The following LRRIQ1 variants were observed in gnomAD, a reference collection of about 807,000 sequenced individuals.
The protein encoded by LRRIQ1 is leucine-rich repeat- and IQ domain-containing protein 1.
LRRIQ1 carries 210 observed loss-of-function variants against 211.9 expected under a neutral mutation model. That is an observed-to-expected ratio of 0.99 (90% CI 0.89 to 1.11). The LOEUF is 1.11. Ranked by LOEUF, LRRIQ1 falls within the 50% of genes most tolerant of loss-of-function variation. LRRIQ1 has a pLI of 0.00. For missense variants in LRRIQ1, 2,136 were observed against 1,939.5 expected (o/e 1.10, Z -1.90); for synonymous variants, 699 against 650.1 (o/e 1.08, Z -1.14).
At chr12:85,198,095 A>AT (rs1893079520) in intron 24 of LRRIQ1, among the ~76,000 whole-genome samples, 2 of 116,604 alleles carry the variant, frequency 1.7e-5, no homozygotes, top group Non-Finnish European at 3.3e-5. Context: ...ATTATATTAT[A>AT]TATTATATTA....
At chr12:85,162,375 T>C (rs1411342614) in intron 24 of LRRIQ1, among the ~76,000 whole-genome samples, 3 of 152,190 alleles carry the variant, frequency 2.0e-5, no homozygotes, top group African/African-American at 7.2e-5. Flanking sequence ...TTTTAAAAAA[T>C]GTAGAAATTC....
intron 19 of LRRIQ1, among the ~76,000 whole-genome samples, chr12:85,147,401 T>G (rs1221351334): frequency 1.3e-5 from 2 of 151,852 alleles, no homozygotes; most frequent in African/African-American, 4.8e-5. Flanking sequence ...CCAGTCATTC[T>G]TATTAGGGAA....
intron 1 of LRRIQ1, among the ~76,000 whole-genome samples, chr12:85,254,476 T>A (rs1896032128): frequency 6.6e-6 from 1 of 152,120 alleles, no homozygotes; most frequent in Non-Finnish European, 1.5e-5. Context: ...CACATTTACC[T>A]TAATTTTCTA....
chr12:85,102,252 A>C (rs992785633), intron 13 of LRRIQ1, among the ~76,000 whole-genome samples: 3 of 151,524 alleles, frequency 2.0e-5, no homozygotes, highest in Non-Finnish European at 4.4e-5. Context: ...CTATCCCTCC[A>C]TGTCTTCCCA....
At chr12:85,154,904 C>T (rs1469410215) in intron 23 of LRRIQ1, among the ~76,000 whole-genome samples, 1 of 150,942 alleles carries the variant, frequency 6.6e-6, no homozygotes, top group Non-Finnish European at 1.5e-5. Flanking sequence ...GTATACTTTT[C>T]CTATAGATCT....
intron 11 of LRRIQ1, among the ~76,000 whole-genome samples, chr12:85,086,530 A>C (rs1884836556): frequency 6.6e-6 from 1 of 152,060 alleles, no homozygotes; most frequent in Non-Finnish European, 1.5e-5. Context: ...AGATGTCAGC[A>C]CTATGCTTCC....
intron 24 of LRRIQ1, among the ~76,000 whole-genome samples, chr12:85,177,285 A>G (rs1891754577): frequency 6.6e-6 from 1 of 152,130 alleles, no homozygotes; most frequent in African/African-American, 2.4e-5. Context: ...TGACATAAAC[A>G]CAAACCACCT....
chr12:85,077,752 G>T (rs1248145852), intron 11 of LRRIQ1, among the ~76,000 whole-genome samples: 1 of 152,020 alleles, frequency 6.6e-6, no homozygotes, highest in African/African-American at 2.4e-5. Context: ...TGGGCAGATG[G>T]CTTGAGCTCA....
At chr12:85,075,156 A>C (rs1883500357) in intron 11 of LRRIQ1, among the ~76,000 whole-genome samples, 1 of 152,040 alleles carries the variant, frequency 6.6e-6, no homozygotes, top group African/African-American at 2.4e-5. Context: ...GGTACTATTA[A>C]ATATTTTCGG....
chr12:85,172,959 A>T (rs1448725993), intron 24 of LRRIQ1, among the ~76,000 whole-genome samples: 5 of 151,910 alleles, frequency 3.3e-5, no homozygotes, highest in Non-Finnish European at 7.4e-5. Flanking sequence ...ATTAAAAAAA[A>T]AATAGCTGGC....
At chr12:85,230,400 T>C (rs1287261203) in intron 25 of LRRIQ1, among the ~76,000 whole-genome samples, 1 of 152,212 alleles carries the variant, frequency 6.6e-6, no homozygotes, top group Non-Finnish European at 1.5e-5. Context: ...ACTTTCTTGC[T>C]GTATCCTCAC....
chr12:85,214,192 T>G (rs969086088), intron 24 of LRRIQ1, among the ~76,000 whole-genome samples: 12 of 151,664 alleles, frequency 7.9e-5, no homozygotes, highest in African/African-American at 2.9e-4. Flanking sequence ...TAAGACCTTA[T>G]GAAGAAAATC....
At chr12:85,045,790 A>C (rs1179868767) in intron 4 of LRRIQ1, among the ~76,000 whole-genome samples, 1 of 152,038 alleles carries the variant, frequency 6.6e-6, no homozygotes, top group Non-Finnish European at 1.5e-5. Flanking sequence ...TTAAAGACTT[A>C]TTAGAGTTCC....
chr12:85,130,362 A>G (rs1507213), intron 18 of LRRIQ1, among the ~76,000 whole-genome samples: 90,665 of 152,108 alleles, frequency 0.6, 29,322 homozygotes, highest in African/African-American at 0.86. Context: ...GAATGTAGAC[A>G]CCATGCATCC....
At chr12:85,058,061 A>AAC (rs1881334732) in intron 8 of LRRIQ1, among the ~76,000 whole-genome samples, 2 of 146,466 alleles carry the variant, frequency 1.4e-5, no homozygotes, top group South Asian at 4.1e-4. Flanking sequence ...TTGACTAATA[A>AAC]ACAAAGAAAA....
rs185384034 is a variant in LRRIQ1, at chr12:85,117,679, C to T, written c.3378-4018C>T. 1.6e-3 allele frequency among the ~76,000 whole-genome samples: 241 copies of T among 152,204 alleles called. 1 individual carries two copies. The highest frequency in any genetic ancestry group is 5.5e-3 in the African/African-American group (228 of 41,538). The stretch of plus-strand genomic sequence containing the variant: ...AAGTTGTTGAAGCTTTATGTTTAGT[C>T]TTCTAATTTAGGAAATTGAATCTTG... On this transcript the variant is annotated intron_variant, in intron 15 of 26. Transcript: ENST00000393217.
At chr12:85,116,458 T>C (rs1348303465) in intron 15 of LRRIQ1, among the ~76,000 whole-genome samples, 1 of 152,164 alleles carries the variant, frequency 6.6e-6, no homozygotes. Flanking sequence ...TCTTATTCTT[T>C]AGTGTGCATA....
At chr12:85,245,650 A>G (rs1332308939), downstream of LRRIQ1, among the ~76,000 whole-genome samples, 1 of 150,974 alleles carries the variant, frequency 6.6e-6, no homozygotes, top group Non-Finnish European at 1.5e-5. Flanking sequence ...ACGGGAATCA[A>G]GAGCGATTTC....
intron 23 of LRRIQ1, among the ~76,000 whole-genome samples, chr12:85,159,257 G>T (rs961627984): frequency 1.4e-4 from 21 of 151,954 alleles, no homozygotes; most frequent in Non-Finnish European, 1.5e-4. Context: ...AATATCCATA[G>T]CTTCTGTTCA....
Sources: gnomAD v4.1 joint callset for allele counts (sites outside exome capture counted in the v4.1 genomes callset) on GRCh38, gnomAD v4.1.1 for gene constraint, MANE v1.5 for transcripts, NCBI Gene and HGNC (gene_info 2026-07-23, HGNC 2026-07-21) for gene names.